Variants in HIVEP2 observed in about 807,000 individuals in gnomAD.
HIVEP2 encodes the protein transcription factor HIVEP2.
In HIVEP2, 14 loss-of-function variants were observed where a neutral mutation model predicts 180.7. That is an observed-to-expected ratio of 0.08 (90% CI 0.05 to 0.12). HIVEP2 has a LOEUF of 0.12. Among genes scored for constraint, HIVEP2 ranks in the 10% least tolerant of loss-of-function variants. The pLI, the probability that HIVEP2 is intolerant of heterozygous loss-of-function variation, is 1.00. For missense variants in HIVEP2, 2,579 were observed against 3,008.5 expected, an observed-to-expected ratio of 0.86 and a Z score of 3.34; for synonymous variants, 1,184 against 1,136.4, an observed-to-expected ratio of 1.04 and a Z score of -0.84.
Position 142,785,309 on chromosome 6 carries a change from C to A in HIVEP2, c.-527-1694G>T, listed in dbSNP as rs1168447835. On this transcript the variant is annotated intron_variant, in intron 2 of 9. Transcript: ENST00000367603. The stretch of plus-strand genomic sequence containing the variant: ...GGCTAAAGTAAAGCATGGCATTCCT[C>A]AAAAAAAAAAAAAAAAAAAAAAAAA... Among the ~76,000 whole-genome samples, 3 of 65,394 alleles carry A rather than the reference C, an allele frequency of 4.6e-5. No homozygotes were observed. In the East Asian group the frequency reaches 2.0e-3, roughly 43 times the overall value. 42.9% of individuals were successfully genotyped at this position (65,394 alleles called of 152,430 possible). A position where few individuals can be genotyped will look rare whatever the true frequency, so the allele number is the denominator to read the frequency against.
chr6:142,937,980 A>G (rs546569870), intron 1 of HIVEP2, among the ~76,000 whole-genome samples: 4 of 152,144 alleles, frequency 2.6e-5, no homozygotes, highest in Non-Finnish European at 5.9e-5. Context: ...TGATTTTTTT[A>G]AGTGTTTAGT....
At chr6:142,853,348 T>A (rs536050788) in intron 1 of HIVEP2, among the ~76,000 whole-genome samples, 5 of 152,214 alleles carry the variant, frequency 3.3e-5, no homozygotes, top group Non-Finnish European at 5.9e-5. Flanking sequence ...GTGGTTTCGA[T>A]AAGAATTCAC....
At chr6:142,941,866 C>T (rs112749188) in intron 1 of HIVEP2, among the ~76,000 whole-genome samples, 2 of 152,086 alleles carry the variant, frequency 1.3e-5, no homozygotes, top group Non-Finnish European at 2.9e-5. Context: ...AACTGTGAAC[C>T]GTTTCTCCAC....
intron 1 of HIVEP2, among the ~76,000 whole-genome samples, chr6:142,880,264 A>G (rs1776548541): frequency 6.6e-6 from 1 of 152,056 alleles, no homozygotes; most frequent in African/African-American, 2.4e-5. Flanking sequence ...TCAGATATTC[A>G]CCCTCACTAG....
intron 1 of HIVEP2, among the ~76,000 whole-genome samples, chr6:142,872,790 G>A (rs544580117): frequency 6.6e-6 from 1 of 152,254 alleles, no homozygotes; most frequent in Non-Finnish European, 1.5e-5. Context: ...CCACGATTGA[G>A]GGTCATAAAA....
intron 7 of HIVEP2, among the ~76,000 whole-genome samples, chr6:142,763,771 T>C (rs1231353244): frequency 1.3e-5 from 2 of 152,242 alleles, no homozygotes; most frequent in Non-Finnish European, 2.9e-5. Flanking sequence ...CATATGATTA[T>C]TTTTTGAGAC....
At chr6:142,859,834 C>CAAAAAA (rs56853043) in intron 1 of HIVEP2, among the ~76,000 whole-genome samples, 3 of 73,612 alleles carry the variant, frequency 4.1e-5, no homozygotes, top group Admixed American at 1.7e-4. Context: ...AACTCCGTCT[C>CAAAAAA]AAAAAAAAAA....
rs768309838 is a variant in HIVEP2, at chr6:142,793,645, TTTCTTTCTTTC to T, written c.-527-10041_-527-10031del. 1.9e-3 allele frequency among the ~76,000 whole-genome samples: 67 copies of T among 35,348 alleles called. 2 individuals are homozygous for T. The highest frequency in any genetic ancestry group is 5.9e-3 in the African/African-American group (58 of 9,808). 23.2% of individuals were successfully genotyped at this position (35,348 alleles called of 152,430 possible). ...TTCTCTTTCTTTCTTTCTTTCTTTCTTTCTTTCTTTCTTTTTTCTTTCTTTCTTTCTCTCTC... is the reference window on the plus strand; with the variant it reads ...TTCTCTTTCTTTCTTTCTTTCTTTCTTTTTTTCTTTCTTTCTTTCTCTCTC... On this transcript the variant is annotated intron_variant, in intron 2 of 9. Transcript: ENST00000367603.
At chr6:142,808,724 G>A (rs977555436) in intron 2 of HIVEP2, among the ~76,000 whole-genome samples, 3 of 149,940 alleles carry the variant, frequency 2.0e-5, no homozygotes, top group African/African-American at 7.4e-5. Context: ...AAGGATGGGG[G>A]AGGGATGAAT....
chr6:142,825,673 A>C (rs1774871838), intron 2 of HIVEP2, among the ~76,000 whole-genome samples: 1 of 152,216 alleles, frequency 6.6e-6, no homozygotes, highest in Non-Finnish European at 1.5e-5. Context: ...GAAATTGTAC[A>C]GAACATTTCC....
intron 4 of HIVEP2, among the ~76,000 whole-genome samples, chr6:142,775,575 G>A (rs1188441689): frequency 6.6e-6 from 1 of 152,058 alleles, no homozygotes; most frequent in Non-Finnish European, 1.5e-5. Flanking sequence ...GGTGGCTCAC[G>A]CCTGTAAACC....
intron 1 of HIVEP2, among the ~76,000 whole-genome samples, chr6:142,860,872 C>CT (rs2114955320): frequency 6.6e-6 from 1 of 152,292 alleles, no homozygotes; most frequent in South Asian, 2.1e-4. Context: ...TTATTCCGCA[C>CT]AAATTCTGCA....
At chr6:142,790,505 T>C (rs1200923204) in intron 2 of HIVEP2, among the ~76,000 whole-genome samples, 1 of 152,232 alleles carries the variant, frequency 6.6e-6, no homozygotes, top group Non-Finnish European at 1.5e-5. Flanking sequence ...TACCATACTC[T>C]AGTGAGAAGT....
chr6:142,758,300 A>T (rs1775132343), intron 9 of HIVEP2, among the ~76,000 whole-genome samples: 2 of 152,218 alleles, frequency 1.3e-5, no homozygotes, highest in South Asian at 4.1e-4. Context: ...TGAAGTTGGT[A>T]CCAGACTTGT....
chr6:142,817,533 T>C (rs565823512), intron 2 of HIVEP2, among the ~76,000 whole-genome samples: 14 of 152,308 alleles, frequency 9.2e-5, no homozygotes, highest in African/African-American at 2.9e-4. Context: ...ACAACTTGCA[T>C]GGAGATAAAT....
At chr6:142,911,213 A>T (rs2128429794) in intron 1 of HIVEP2, among the ~76,000 whole-genome samples, 1 of 152,200 alleles carries the variant, frequency 6.6e-6, no homozygotes. Context: ...ATAGAGGACA[A>T]ACGTGCTGAG....
At chr6:142,863,500 T>A (rs1236158815) in intron 1 of HIVEP2, among the ~76,000 whole-genome samples, 2 of 152,124 alleles carry the variant, frequency 1.3e-5, no homozygotes, top group Non-Finnish European at 2.9e-5. Context: ...TTCTGAAGAA[T>A]CAAGGCATAT....
At chr6:142,918,025 G>T (rs1017619748) in intron 1 of HIVEP2, among the ~76,000 whole-genome samples, 2 of 152,030 alleles carry the variant, frequency 1.3e-5, no homozygotes, top group African/African-American at 4.8e-5. Context: ...CACCCACCTT[G>T]GCCTCCCAAA....
At chr6:142,902,533 G>A (rs536215070) in intron 1 of HIVEP2, among the ~76,000 whole-genome samples, 1 of 152,142 alleles carries the variant, frequency 6.6e-6, no homozygotes, top group African/African-American at 2.4e-5. Flanking sequence ...CACTCAAATA[G>A]AATAGCCTTT....
Sources: gnomAD v4.1 joint callset for allele counts (sites outside exome capture counted in the v4.1 genomes callset) on GRCh38, gnomAD v4.1.1 for gene constraint, MANE v1.5 for transcripts, NCBI Gene and HGNC (gene_info 2026-07-23, HGNC 2026-07-21) for gene names.